The following ANGPTL5 variants were observed in gnomAD, a reference collection of about 807,000 sequenced individuals.
ANGPTL5 encodes the protein angiopoietin like 5.
ANGPTL5 carries 34 observed loss-of-function variants against 39.4 expected under a neutral mutation model. That is an observed-to-expected ratio of 0.86 (90% CI 0.66 to 1.15). The LOEUF is 1.15. ANGPTL5 is among the 50% of genes most tolerant of loss of function. ANGPTL5 has a pLI of 0.00. For missense variants in ANGPTL5, 467 were observed against 457.5 expected, an observed-to-expected ratio of 1.02 and a Z score of -0.19; for synonymous variants, 146 against 152.1, an observed-to-expected ratio of 0.96 and a Z score of 0.29.
chr11:101,896,233 G>A (rs545142018), intron 7 of ANGPTL5, among the ~76,000 whole-genome samples: 21 of 150,762 alleles, frequency 1.4e-4, no homozygotes, highest in African/African-American at 4.9e-4. Context: ...CCCAGGCTAC[G>A]GTGCAGTAGT....
chr11:101,891,277 G>C lies in ANGPTL5; in HGVS notation c.*2C>G. 1 of 1,592,972 alleles carries C rather than the reference G, an allele frequency of 6.3e-7. No homozygotes were observed. The highest frequency in any genetic ancestry group is 8.6e-7 in the Non-Finnish European group (1 of 1,161,342). On this transcript the variant is annotated 3_prime_UTR_variant, in exon 9 of 9. Coordinates refer to ENST00000334289, the MANE Select transcript of ANGPTL5 (RefSeq NM_178127.5). ...GAACTTGCATTACAATGTTAAATGA[G>C]ATTATTTAAAATATGGATTGTACAT...
In ANGPTL5 at chr11:101,904,681, A is replaced by G; in HGVS notation, c.439+133T>C. On this transcript the variant is annotated intron_variant, in intron 5 of 8. Coordinates refer to ENST00000334289, the MANE Select transcript of ANGPTL5 (RefSeq NM_178127.5). ...TGGTGAAATTTGCTTAATAGCAGGT[A>G]TTAGCCCTCCAGTCTGTTAGAGAAC... is the stretch of plus-strand genomic sequence containing the variant. 3 of 762,972 alleles carry G rather than the reference A, an allele frequency of 3.9e-6. 1 individual carries two copies. The Middle Eastern group carries it at 8.0e-4, about 204-fold the overall frequency. The allele number at this position is 762,972 out of a possible 1,614,324, so 47.3% of individuals were successfully genotyped here.
intron 1 of ANGPTL5, among the ~76,000 whole-genome samples, chr11:101,913,699 T>C (rs184714078): frequency 3.9e-5 from 6 of 152,184 alleles, no homozygotes; most frequent in African/African-American, 1.4e-4. Flanking sequence ...TAGCAAAAGC[T>C]GGACTTCTGG....
chr11:101,907,929 A>C lies in ANGPTL5; in HGVS notation c.-20T>G, dbSNP rs748762177. On this transcript the variant is annotated 5_prime_UTR_variant, in exon 2 of 9. Transcript: ENST00000334289. ...CATCATATTTTTCTTGGATAGATGA[A>C]AACACTTCTTCAAATATCAGTCAGC... 6.7e-7 allele frequency: 1 copy of C among 1,499,330 alleles called. No homozygotes were observed. Among genetic ancestry groups the C allele is most frequent in the Admixed American group, 1.7e-5 (1 of 59,668 alleles). 92.9% of individuals were successfully genotyped at this position (1,499,330 alleles called of 1,614,324 possible).
At chr11:101,903,627 T>C (rs1021740825) in intron 5 of ANGPTL5, among the ~76,000 whole-genome samples, 3 of 152,006 alleles carry the variant, frequency 2.0e-5, no homozygotes, top group Admixed American at 6.6e-5. Context: ...TGTTTTCCCC[T>C]TCGTCTCTGG....
chr11:101,904,326 C>G (rs1351886935), intron 5 of ANGPTL5, among the ~76,000 whole-genome samples: 2 of 151,926 alleles, frequency 1.3e-5, no homozygotes, highest in Non-Finnish European at 2.9e-5. Context: ...CTTAGAAGTC[C>G]AAACCTCTAG....
intron 1 of ANGPTL5, chr11:101,915,278 G>A (rs1940179143): frequency 6.2e-7 from 1 of 1,613,560 alleles, no homozygotes; most frequent in Non-Finnish European, 8.5e-7. Context: ...CGGCGCTGAA[G>A]TGAAGGATGC....
At chr11:101,915,940 G>C (rs1940202193) in intron 1 of ANGPTL5, 79 bp downstream of exon 1, 3 of 152,272 alleles carry the variant, frequency 2.0e-5, no homozygotes, top group Admixed American at 1.3e-4. Context: ...ACAGAAAAGA[G>C]GAAATGAGAA....
chr11:101,907,025 TAAA>T, intron 3 of ANGPTL5, 75 bp downstream of exon 3: 1 of 1,152,474 alleles, frequency 8.7e-7, no homozygotes. Flanking sequence ...AGACAAAAGC[TAAA>T]GTATACTTTT....
chr11:101,893,580 G>A (rs1000039510), intron 8 of ANGPTL5, among the ~76,000 whole-genome samples: 1 of 152,116 alleles, frequency 6.6e-6, no homozygotes, highest in Non-Finnish European at 1.5e-5. Flanking sequence ...AAAAACTTTT[G>A]CCATTATCAA....
chr11:101,899,457 C>A (rs1375824857), intron 7 of ANGPTL5, among the ~76,000 whole-genome samples: 2 of 152,198 alleles, frequency 1.3e-5, no homozygotes, highest in Non-Finnish European at 2.9e-5. Context: ...ATGCAGTATA[C>A]CTGCCTGAAG....
At chr11:101,905,163 C>A (rs1391974637) in intron 4 of ANGPTL5, among the ~76,000 whole-genome samples, 1 of 152,204 alleles carries the variant, frequency 6.6e-6, no homozygotes, top group Admixed American at 6.5e-5. Flanking sequence ...CATACCTTGT[C>A]CAAACCATTG....
chr11:101,902,669 C>G lies in ANGPTL5; in HGVS notation c.492G>C (p.Pro164=). 6.2e-7 allele frequency: 1 copy of G among 1,611,850 alleles called. No individual in the cohort carries two copies. Among genetic ancestry groups the G allele is most frequent in the South Asian group, 1.1e-5 (1 of 90,894 alleles). Residue 164 remains proline, a synonymous_variant, in exon 6 of 9, where the codon CCG becomes CCC. Transcript: ENST00000334289. The stretch of plus-strand genomic sequence containing the variant: ...CTGGGTGAATTATGTATAAACCACT[C>G]GGTGTTTTGGTGACAGAGCCAATGG... ...KDTIGSVTKT[P]SGLYIIHPEG...
At chr11:101,897,496 G>A (rs751246098) in intron 7 of ANGPTL5, among the ~76,000 whole-genome samples, 30 of 152,244 alleles carry the variant, frequency 2.0e-4, no homozygotes, top group East Asian at 3.9e-4. Flanking sequence ...TAGGTCTTAC[G>A]TTTAAATCTT....
chr11:101,894,188 T>C (rs1939751210), intron 8 of ANGPTL5, among the ~76,000 whole-genome samples: 1 of 152,184 alleles, frequency 6.6e-6, no homozygotes, highest in Admixed American at 6.5e-5. Flanking sequence ...TTGGGAGCAG[T>C]TAAAGACCTG....
chr11:101,908,440 G>A (rs948861835), intron 1 of ANGPTL5, among the ~76,000 whole-genome samples: 1 of 152,106 alleles, frequency 6.6e-6, no homozygotes, highest in Non-Finnish European at 1.5e-5. Context: ...GATCGAGGTG[G>A]ACATCCAGAG....
rs1295277154 is a variant in ANGPTL5, at chr11:101,891,158, C to A, written c.*121G>T. ...AGTTTTCTAATTAAACTCATAACAT[C>A]TAAATGCCATCTACAGTTAAATTTT... On this transcript the variant is annotated 3_prime_UTR_variant, in exon 9 of 9. Transcript: ENST00000334289. The A allele has an allele frequency of 1.1e-6, 1 of 878,626 alleles. No homozygotes were observed. The highest frequency in any genetic ancestry group is 2.8e-5 in the Admixed American group (1 of 35,680). The allele number at this position is 878,626 out of a possible 1,614,324, so 54.4% of individuals were successfully genotyped here. A position where few individuals can be genotyped will look rare whatever the true frequency, so the allele number is the denominator to read the frequency against.
At chr11:101,909,206 T>C (rs899031581) in intron 1 of ANGPTL5, among the ~76,000 whole-genome samples, 2 of 152,242 alleles carry the variant, frequency 1.3e-5, no homozygotes, top group African/African-American at 4.8e-5. Context: ...TGACTTTCCT[T>C]CCTCACCACC....
chr11:101,893,128 T>C (rs1257757517), intron 8 of ANGPTL5, among the ~76,000 whole-genome samples: 1 of 152,244 alleles, frequency 6.6e-6, no homozygotes, highest in Non-Finnish European at 1.5e-5. Flanking sequence ...CAAGAGATTT[T>C]ATTTAATTCA....
Sources: allele counts gnomAD v4.1 joint callset (sites outside exome capture counted in the v4.1 genomes callset), GRCh38; gene constraint gnomAD v4.1.1; transcripts MANE v1.5; gene names NCBI Gene and HGNC (gene_info 2026-07-23, HGNC 2026-07-21).